The following PCDHGB1 variants were observed in gnomAD, a reference collection of about 807,000 sequenced individuals.
PCDHGB1 encodes the protein protocadherin gamma-B1.
Under a neutral mutation model 56.6 loss-of-function variants are expected in PCDHGB1, and 34 were observed. The ratio of observed to expected loss-of-function variants is 0.60; its 90% CI spans 0.46 to 0.80. The LOEUF (loss-of-function observed/expected upper bound fraction) is 0.80, where lower values mean the gene tolerates loss of function less well. Ranked by LOEUF, PCDHGB1 falls within the 30% of genes least tolerant of loss-of-function variation. The pLI is 0.00. For missense variants in PCDHGB1, 1,278 were observed against 1,204.6 expected (o/e 1.06, Z -0.90); for synonymous variants, 561 against 505.9 (o/e 1.11, Z -1.46).
intron 1 of PCDHGB1, chr5:141,366,502 G>A (rs1764600117): frequency 1.9e-6 from 3 of 1,614,150 alleles, no homozygotes; most frequent in Non-Finnish European, 1.7e-6. Context: ...AGTCACGCCT[G>A]CTTCAGGCTG....
intron 1 of PCDHGB1, chr5:141,399,398 G>A (rs1374441258): frequency 6.2e-7 from 1 of 1,613,972 alleles, no homozygotes; most frequent in Non-Finnish European, 8.5e-7. Flanking sequence ...ACAGACAGGG[G>A]CAAGCCGCCC....
chr5:141,427,494 A>G (rs1220750249), intron 1 of PCDHGB1: 1 of 560,916 alleles, frequency 1.8e-6, no homozygotes, highest in Non-Finnish European at 3.4e-6. Context: ...TAAGCTTGTA[A>G]CAGATGGGAC....
chr5:141,444,325 C>G (rs2098432231), intron 1 of PCDHGB1, among the ~76,000 whole-genome samples: 1 of 151,840 alleles, frequency 6.6e-6, no homozygotes, highest in Non-Finnish European at 1.5e-5. Flanking sequence ...GCATGTGCCA[C>G]CACGCCCAGC....
At chr5:141,421,679 C>T (rs1210753842) in intron 1 of PCDHGB1, 2 of 1,613,810 alleles carry the variant, frequency 1.2e-6, no homozygotes, top group Admixed American at 1.7e-5. Context: ...ATTCCTGGGG[C>T]GCGATTTGCT....
intron 1 of PCDHGB1, chr5:141,478,825 T>G: frequency 1.4e-6 from 2 of 1,441,878 alleles, no homozygotes; most frequent in East Asian, 5.0e-5. Context: ...TAACCAATCT[T>G]GCTAAGGGAT....
intron 1 of PCDHGB1, among the ~76,000 whole-genome samples, chr5:141,459,838 A>C (rs944807247): frequency 1.3e-5 from 2 of 152,098 alleles, no homozygotes; most frequent in African/African-American, 4.8e-5. Context: ...TGTGTTGTCT[A>C]TTTGTATATC....
chr5:141,501,228 A>G (rs1054674676), intron 2 of PCDHGB1, among the ~76,000 whole-genome samples: 10 of 149,588 alleles, frequency 6.7e-5, no homozygotes, highest in African/African-American at 2.5e-4. Context: ...TAGATTTCTC[A>G]GTTTTTTGAG....
intron 1 of PCDHGB1, chr5:141,479,743 T>C (rs2154578017): frequency 6.6e-6 from 1 of 152,356 alleles, no homozygotes; most frequent in African/African-American, 2.4e-5. Flanking sequence ...ATATGCACAA[T>C]GTGAAAGGTA....
intron 1 of PCDHGB1, chr5:141,388,961 G>C: frequency 6.2e-7 from 1 of 1,614,042 alleles, no homozygotes; most frequent in Non-Finnish European, 8.5e-7. Flanking sequence ...AGGACGCCGA[G>C]CTGGGAACAC....
At chr5:141,395,093 C>CT (rs2093169149) in intron 1 of PCDHGB1, 4 of 1,614,040 alleles carry the variant, frequency 2.5e-6, no homozygotes, top group Non-Finnish European at 3.4e-6. Flanking sequence ...TCTCCCTCAC[C>CT]GCCGACTCGC....
At chr5:141,410,335 T>C (rs2095381391) in intron 1 of PCDHGB1, 1 of 1,613,894 alleles carries the variant, frequency 6.2e-7, no homozygotes, top group African/African-American at 1.3e-5. Context: ...TTCTGGCCAT[T>C]GCCTTGCGCC....
intron 1 of PCDHGB1, among the ~76,000 whole-genome samples, chr5:141,405,997 C>T (rs1589599248): frequency 6.6e-6 from 1 of 151,926 alleles, no homozygotes; most frequent in Non-Finnish European, 1.5e-5. Context: ...TAGCTCTCAG[C>T]CTGCATTGAT....
intron 1 of PCDHGB1, chr5:141,371,114 A>G: frequency 6.2e-7 from 1 of 1,613,878 alleles, no homozygotes; most frequent in Non-Finnish European, 8.5e-7. Flanking sequence ...ATAACCCCCC[A>G]GTATTTACTC....
At chr5:141,499,698 T>C (rs1312388510) in intron 2 of PCDHGB1, among the ~76,000 whole-genome samples, 2 of 149,810 alleles carry the variant, frequency 1.3e-5, no homozygotes, top group African/African-American at 2.5e-5. Context: ...ACTTTTTTTT[T>C]TTTTTTTTTT....
At chr5:141,362,375 C>T (rs755032384) in intron 1 of PCDHGB1, 5 of 1,613,922 alleles carry the variant, frequency 3.1e-6, no homozygotes, top group Admixed American at 1.7e-5. Context: ...AGTGAGGGTA[C>T]ATTGCCCTAT....
chr5:141,462,122 C>T (rs1437400069), intron 1 of PCDHGB1, among the ~76,000 whole-genome samples: 1 of 152,044 alleles, frequency 6.6e-6, no homozygotes, highest in South Asian at 2.1e-4. Context: ...TGCACCCAGT[C>T]CAATTTTTTG....
At chr5:141,417,859 G>T (rs925593025) in intron 1 of PCDHGB1, 10 of 1,548,090 alleles carry the variant, frequency 6.5e-6, no homozygotes, top group African/African-American at 2.7e-5. Context: ...CCGAGCGAAC[G>T]ATGGGAGGGA....
chr5:141,403,577 C>A (rs1188693688), intron 1 of PCDHGB1: 5 of 1,613,812 alleles, frequency 3.1e-6, no homozygotes, highest in Non-Finnish European at 3.4e-6. Context: ...AACTGCCCAC[C>A]ACCTGGTCCT....
chr5:141,419,981 A>C, intron 1 of PCDHGB1: 2 of 1,614,052 alleles, frequency 1.2e-6, no homozygotes, highest in Non-Finnish European at 1.7e-6. Context: ...CCTCGCGGTG[A>C]TTCTAGCTAT....
Sources: allele counts gnomAD v4.1 joint callset (sites outside exome capture counted in the v4.1 genomes callset), GRCh38; gene constraint gnomAD v4.1.1; transcripts MANE v1.5; gene names NCBI Gene and HGNC (gene_info 2026-07-23, HGNC 2026-07-21).